Variants in HEMGN observed in about 807,000 individuals in gnomAD.
HEMGN encodes the protein hemogen, also known as erythroid differentiation-associated gene protein.
HEMGN carries 32 observed loss-of-function variants against 45.7 expected under a neutral mutation model. The observed-to-expected ratio is 0.70, with a 90% confidence interval of 0.53 to 0.94. The LOEUF (loss-of-function observed/expected upper bound fraction) is 0.94, where lower values mean the gene tolerates loss of function less well. Ranked by LOEUF, HEMGN falls within the 40% of genes least tolerant of loss-of-function variation. HEMGN has a pLI of 0.00. For missense variants in HEMGN, 530 were observed against 564.2 expected, an observed-to-expected ratio of 0.94 and a Z score of 0.61; for synonymous variants, 183 against 178.6, an observed-to-expected ratio of 1.02 and a Z score of -0.20.
In HEMGN at chr9:97,930,767, C is replaced by T. The variant is rs1826932796; in HGVS notation, c.628G>A (p.Val210Ile). 1.2e-6 allele frequency: 2 copies of T among 1,614,130 alleles called. No individual in the cohort carries two copies. Among genetic ancestry groups the T allele is most frequent in the African/African-American group, 2.7e-5 (2 of 75,056 alleles). Residue 210 changes from valine to isoleucine, a missense_variant, in exon 3 of 4, where the codon GTA becomes ATA. Transcript: ENST00000616898. ...ATTTTGAAAGGATGGTCTTGAATTA[C>T]AGATATTACTTGGCATGTGTTAGGA... ...NSPNTCQVIS[V>I]IQDHPFKMYQ...
chr9:97,944,149 G>A (rs534213706), intron 1 of HEMGN, among the ~76,000 whole-genome samples: 3 of 152,262 alleles, frequency 2.0e-5, no homozygotes, highest in South Asian at 2.1e-4. Flanking sequence ...CTTTGCAGAT[G>A]TCTTCTAAAT....
intron 2 of HEMGN, among the ~76,000 whole-genome samples, chr9:97,935,375 T>C (rs551662202): frequency 2.3e-4 from 35 of 152,276 alleles, no homozygotes; most frequent in Middle Eastern, 3.4e-3. Context: ...CTTTTGACAA[T>C]GTTTGGAGAC....
At chr9:97,932,974 A>G (rs893750292) in intron 2 of HEMGN, among the ~76,000 whole-genome samples, 6 of 152,166 alleles carry the variant, frequency 3.9e-5, no homozygotes, top group African/African-American at 1.4e-4. Flanking sequence ...ATTTTTTCCT[A>G]GATATTAAAT....
chr9:97,940,186 A>G (rs1401338548), upstream of HEMGN, among the ~76,000 whole-genome samples: 1 of 152,146 alleles, frequency 6.6e-6, no homozygotes, highest in Non-Finnish European at 1.5e-5. Flanking sequence ...CAATTCAGCA[A>G]ATTTTACTTA....
At chr9:97,943,217 A>G (rs889924394) in intron 1 of HEMGN, among the ~76,000 whole-genome samples, 4 of 152,244 alleles carry the variant, frequency 2.6e-5, no homozygotes, top group Admixed American at 1.3e-4. Context: ...GACAGTGTTG[A>G]TAGTGATATT....
upstream of HEMGN, among the ~76,000 whole-genome samples, chr9:97,942,274 C>CTTT (rs56055830): frequency 4.1e-4 from 53 of 128,176 alleles, no homozygotes; most frequent in East Asian, 6.8e-4. Flanking sequence ...CTAATTCCTT[C>CTTT]TTTTTTTTTT....
chr9:97,930,639 A>G lies in HEMGN; in HGVS notation c.756T>C (p.Asp252=). ...ATGCTTGAAGAGAGCATCCTGCCAG[A>G]TCAGCTGTGTCTTCAGATGTTGGAC... ...LPCPTSEDTA[D]LAGCSLQAYP... Residue 252 remains aspartate (D), a synonymous_variant, in exon 3 of 4, where the codon GAT becomes GAC. Coordinates refer to ENST00000616898, the MANE Select transcript of HEMGN (RefSeq NM_197978.3). 1 of 1,614,194 alleles carries G rather than the reference A, an allele frequency of 6.2e-7. No homozygotes were observed. Among genetic ancestry groups the G allele is most frequent in the Non-Finnish European group, 8.5e-7 (1 of 1,180,022 alleles).
chr9:97,934,022 A>G lies in HEMGN; in HGVS notation c.173+2149T>C, dbSNP rs530721667. Among the ~76,000 whole-genome samples, 4 of 152,304 alleles carry G rather than the reference A, an allele frequency of 2.6e-5. No individual in the cohort carries two copies. The East Asian group carries it at 7.7e-4, about 29-fold the overall frequency. ...TATAAACCTAAAGACCAATTTTTAA[A>G]TGAACAGACATACAAAGTCACATAG... On this transcript the variant is annotated intron_variant, in intron 2 of 3. Coordinates refer to ENST00000616898, the MANE Select transcript of HEMGN (RefSeq NM_197978.3).
intron 1 of HEMGN, among the ~76,000 whole-genome samples, chr9:97,936,887 AT>A (rs1827071360): frequency 6.6e-6 from 1 of 152,048 alleles, no homozygotes; most frequent in South Asian, 2.1e-4. Flanking sequence ...TTTCTTTGGT[AT>A]TTTTTCCTTA....
In HEMGN at chr9:97,927,224, G is replaced by T; in HGVS notation, c.*160C>A. 1.9e-6 allele frequency: 1 copy of T among 513,716 alleles called. No homozygotes were observed. Among genetic ancestry groups the T allele is most frequent in the South Asian group, 2.8e-5 (1 of 35,720 alleles). 31.8% of individuals were successfully genotyped at this position (513,716 alleles called of 1,614,324 possible). ...ATTCTAGCATGATATTGTCTATGTGGTAGAGCCTTAAAAAATGTTATTTCT... is the reference window on the plus strand; with the variant it reads ...ATTCTAGCATGATATTGTCTATGTGTTAGAGCCTTAAAAAATGTTATTTCT... On this transcript the variant is annotated 3_prime_UTR_variant, in exon 4 of 4. Transcript: ENST00000616898.
intron 2 of HEMGN, among the ~76,000 whole-genome samples, chr9:97,935,285 A>C (rs932792404): frequency 3.9e-5 from 6 of 152,190 alleles, no homozygotes; most frequent in African/African-American, 1.4e-4. Flanking sequence ...GCCCTTTCTT[A>C]GGAAGAGTGC....
intron 2 of HEMGN, among the ~76,000 whole-genome samples, chr9:97,934,713 G>T (rs1827025989): frequency 6.6e-6 from 1 of 152,172 alleles, no homozygotes; most frequent in African/African-American, 2.4e-5. Context: ...TGGTTATGGA[G>T]GTGGGGCAAA....
At position 97,936,215 on chromosome 9, in the gene HEMGN, T is replaced by C. The variant is rs1827056863; in HGVS notation, c.129A>G (p.Arg43=). The change falls in exon 2 of 4, where the codon AGA becomes AGG. Residue 43 remains arginine (R), a synonymous_variant. Coordinates refer to ENST00000616898, the MANE Select transcript of HEMGN (RefSeq NM_197978.3). The stretch of plus-strand genomic sequence containing the variant: ...TTTCCTTTTCATGCACTTCAGCTTT[T>C]CTTTTTCTAAGTAGTTCTCTGTTTC... ...SLRNRELLRK[R]KAEVHEKETS... is the part of the protein sequence containing the mutation. The C allele has an allele frequency of 1.2e-6, 2 of 1,613,402 alleles. No homozygotes were observed. The highest frequency in any genetic ancestry group is 2.7e-5 in the African/African-American group (2 of 74,938).
In HEMGN at chr9:97,927,339, T is replaced by TA. The variant is rs768386715; in HGVS notation, c.*44dup. 4.8e-6 allele frequency: 5 copies of TA among 1,032,284 alleles called. No individual in the cohort carries two copies. The Admixed American group carries it at 6.2e-5, about 13-fold the overall frequency. The allele number at this position is 1,032,284 out of a possible 1,614,324, so 63.9% of individuals were successfully genotyped here. A position where few individuals can be genotyped will look rare whatever the true frequency, so the allele number is the denominator to read the frequency against. ...TTTGAGAAAATCACGCATAAACTAT[T>TA]AAGCTGTATGTTCCATTGGACCACA... On this transcript the variant is annotated 3_prime_UTR_variant, in exon 4 of 4. Transcript: ENST00000616898.
rs1826913709 is a variant in HEMGN at position 97,930,143 on chromosome 9, C to T, written c.1252G>A (p.Val418Met). 1 of 1,614,198 alleles carries T rather than the reference C, an allele frequency of 6.2e-7. No individual in the cohort carries two copies. The highest frequency in any genetic ancestry group is 2.2e-5 in the East Asian group (1 of 44,886). ...GGTTCTGGAAAGCATTCTTTAGGCA[C>T]ATCCTTATTTTTATATGTCTCAGTA... ...LSTETYKNKD[V>M]PKECFPEPHQ... Residue 418 changes from valine (V) to methionine (M), a missense_variant, in exon 3 of 4, where the codon GTG becomes ATG. Coordinates refer to ENST00000616898, the MANE Select transcript of HEMGN (RefSeq NM_197978.3).
intron 2 of HEMGN, among the ~76,000 whole-genome samples, chr9:97,933,912 C>T (rs1827004485): frequency 6.6e-6 from 1 of 152,140 alleles, no homozygotes; most frequent in Non-Finnish European, 1.5e-5. Context: ...CCCAGCAAGC[C>T]CAGAAACCTG....
At position 97,933,618 on chromosome 9, in the gene HEMGN, C is replaced by T. The variant is rs569147829; in HGVS notation, c.174-2397G>A. ...ATATAAACCAGAGTGCCAATCTATT[C>T]GTTTATAATGAGAATTATTTATTTT... On this transcript the variant is annotated intron_variant, in intron 2 of 3. Coordinates refer to ENST00000616898, the MANE Select transcript of HEMGN (RefSeq NM_197978.3). Among the ~76,000 whole-genome samples the T allele has an allele frequency of 1.4e-3, 207 of 152,194 alleles. 3 individuals carry two copies. In the South Asian group the frequency reaches 0.042, roughly 31 times the overall value.
rs1466871613 is a variant in HEMGN at position 97,938,047 on chromosome 9, T to C, written c.79+11A>G. On this transcript the variant is annotated intron_variant, in intron 1 of 3. Transcript: ENST00000616898. ...TCAACAGCCACCAGCTCTTAAGGTATTTTTCATTACCTGGAGAATGGTTCT... is the reference window on the plus strand; with the variant it reads ...TCAACAGCCACCAGCTCTTAAGGTACTTTTCATTACCTGGAGAATGGTTCT... 1.3e-6 allele frequency: 2 copies of C among 1,579,402 alleles called. No individual in the cohort carries two copies. Among genetic ancestry groups the C allele is most frequent in the Non-Finnish European group, 1.7e-6 (2 of 1,150,894 alleles).
chr9:97,936,365 C>T, intron 1 of HEMGN, 101 bp from the exon 2 acceptor site: 3 of 783,324 alleles, frequency 3.8e-6, no homozygotes, highest in Non-Finnish European at 6.6e-6. Flanking sequence ...AGGTTTTTCT[C>T]CTAGCTTTTT....
Sources: allele counts gnomAD v4.1 joint callset (sites outside exome capture counted in the v4.1 genomes callset), GRCh38; gene constraint gnomAD v4.1.1; transcripts MANE v1.5; gene names NCBI Gene and HGNC (gene_info 2026-07-23, HGNC 2026-07-21).